The following RB1CC1 variants were observed in gnomAD, a reference collection of about 807,000 sequenced individuals.
RB1CC1 encodes the protein RB1-inducible coiled-coil protein 1.
A neutral mutation model predicts 177.5 loss-of-function variants in RB1CC1; 46 were observed. The ratio of observed to expected loss-of-function variants is 0.26; its 90% CI spans 0.20 to 0.33. The LOEUF (loss-of-function observed/expected upper bound fraction) is 0.33, where lower values mean the gene tolerates loss of function less well. Among genes scored for constraint, RB1CC1 ranks in the 10% least tolerant of loss-of-function variants. The pLI is 1.00. For synonymous variants in RB1CC1, 666 were observed against 613.6 expected (o/e 1.09, Z -1.26); for missense variants, 1,703 against 1,816.3 (o/e 0.94, Z 1.13).
chr8:52,706,388 T>C (rs1856551274), intron 1 of RB1CC1, among the ~76,000 whole-genome samples: 1 of 150,152 alleles, frequency 6.7e-6, no homozygotes, highest in Non-Finnish European at 1.5e-5. Flanking sequence ...AGATGGACTT[T>C]CACTCAGTCA....
At chr8:52,671,653 A>C (rs990424166) in intron 7 of RB1CC1, among the ~76,000 whole-genome samples, 9 of 152,204 alleles carry the variant, frequency 5.9e-5, no homozygotes, top group African/African-American at 1.7e-4. Flanking sequence ...AATATAAATA[A>C]ATTTTTCCAA....
chr8:52,653,739 CATT>C (rs1182723091), intron 15 of RB1CC1, among the ~76,000 whole-genome samples: 1 of 152,092 alleles, frequency 6.6e-6, no homozygotes, highest in African/African-American at 2.4e-5. Context: ...GGAATATTTG[CATT>C]ATATTTACCA....
chr8:52,712,287 T>C (rs1038795192), intron 1 of RB1CC1, among the ~76,000 whole-genome samples: 6 of 152,194 alleles, frequency 3.9e-5, no homozygotes, highest in Non-Finnish European at 8.8e-5. Flanking sequence ...ATCTGCAAAG[T>C]AAAGCATGTA....
At chr8:52,648,522 A>T (rs1180521191) in intron 15 of RB1CC1, among the ~76,000 whole-genome samples, 1 of 151,904 alleles carries the variant, frequency 6.6e-6, no homozygotes, top group Non-Finnish European at 1.5e-5. Flanking sequence ...TGTAGAGGGG[A>T]GGGAGGTCAT....
chr8:52,680,202 T>A (rs980331506), intron 5 of RB1CC1, among the ~76,000 whole-genome samples: 2 of 152,142 alleles, frequency 1.3e-5, no homozygotes, highest in Non-Finnish European at 2.9e-5. Flanking sequence ...CAAGAGCAAA[T>A]GGAAATTATA....
At chr8:52,713,488 G>A (rs944041662) in intron 1 of RB1CC1, among the ~76,000 whole-genome samples, 2 of 152,208 alleles carry the variant, frequency 1.3e-5, no homozygotes, top group African/African-American at 4.8e-5. Flanking sequence ...GGCGGGCGCA[G>A]GCTGAGTCAT....
At chr8:52,629,900 G>A (rs1848641553) in intron 21 of RB1CC1, among the ~76,000 whole-genome samples, 1 of 152,078 alleles carries the variant, frequency 6.6e-6, no homozygotes, top group Non-Finnish European at 1.5e-5. Flanking sequence ...TCCCTAAAAT[G>A]TATGAAACCA....
chr8:52,636,179 C>A, intron 18 of RB1CC1, 110 bp from the exon 19 acceptor site: 1 of 1,222,562 alleles, frequency 8.2e-7, no homozygotes, highest in Non-Finnish European at 1.1e-6. Flanking sequence ...TAAGGGTTTT[C>A]ATAAATTTTC....
intron 23 of RB1CC1, 94 bp downstream of exon 23, chr8:52,624,623 G>A (rs1168910244): frequency 9.8e-7 from 1 of 1,018,640 alleles, no homozygotes; most frequent in African/African-American, 1.7e-5. Context: ...GAGCATAAAG[G>A]CCAAGAACAG....
intron 15 of RB1CC1, among the ~76,000 whole-genome samples, chr8:52,651,544 G>A (rs1196510622): frequency 6.6e-6 from 1 of 152,170 alleles, no homozygotes; most frequent in Admixed American, 6.5e-5. Flanking sequence ...CACATTCAGA[G>A]GACAAGTGAA....
intron 22 of RB1CC1, among the ~76,000 whole-genome samples, chr8:52,624,988 C>T (rs1053538663): frequency 3.3e-5 from 5 of 152,134 alleles, no homozygotes; most frequent in African/African-American, 1.2e-4. Context: ...GTAATGTGTG[C>T]GTAGCTCTTG....
chr8:52,705,515 C>T (rs1856465234), intron 1 of RB1CC1, among the ~76,000 whole-genome samples: 1 of 152,120 alleles, frequency 6.6e-6, no homozygotes, highest in Admixed American at 6.5e-5. Context: ...ACTGGTATAA[C>T]TTTTAAGGGA....
chr8:52,687,947 C>T (rs940943361), intron 1 of RB1CC1, among the ~76,000 whole-genome samples: 1 of 152,156 alleles, frequency 6.6e-6, no homozygotes, highest in Non-Finnish European at 1.5e-5. Flanking sequence ...AACAGAGCGA[C>T]CAGCTGGAGC....
intron 1 of RB1CC1, among the ~76,000 whole-genome samples, chr8:52,697,448 T>C (rs1855532538): frequency 6.6e-6 from 1 of 152,184 alleles, no homozygotes; most frequent in African/African-American, 2.4e-5. Context: ...CAAATCTAAA[T>C]ACGGACAGGG....
At chr8:52,710,337 A>C (rs1418102257) in intron 1 of RB1CC1, among the ~76,000 whole-genome samples, 1 of 152,232 alleles carries the variant, frequency 6.6e-6, no homozygotes, top group Non-Finnish European at 1.5e-5. Context: ...CAAAAGAATG[A>C]AGCGAGCATT....
chr8:52,634,992 G>A (rs1233864808), intron 19 of RB1CC1, 24 bp from the exon 20 acceptor site: 4 of 1,593,248 alleles, frequency 2.5e-6, no homozygotes, highest in Non-Finnish European at 2.6e-6. Flanking sequence ...AAAGAGACCT[G>A]TGGTTTATCC....
chr8:52,713,350 G>A (rs1022570989), intron 1 of RB1CC1, among the ~76,000 whole-genome samples: 4 of 152,168 alleles, frequency 2.6e-5, no homozygotes, highest in African/African-American at 9.7e-5. Context: ...ACATCCACCA[G>A]GCGGTGGAAG....
chr8:52,657,748 C>G lies in RB1CC1; in HGVS notation c.2081G>C (p.Ser694Thr). The change falls in exon 15 of 24, where the codon AGT (serine) becomes ACT (threonine). Residue 694 changes from serine to threonine, a missense_variant. Physicochemically the swap from Ser to Thr is moderately conservative, Grantham distance 58. This residue lies in a region of RB1CC1 where 1,169 missense variants were observed against 1,184.7 expected (regional missense o/e 0.99). Transcript: ENST00000025008. ...VCPLEELSPDSIDAHTFDFET... is the reference protein window; with the variant it reads ...VCPLEELSPDTIDAHTFDFET... ...AAAATCAAACGTATGTGCATCAATACTATCTGGAGATAATTCTTCTAAGGG... is the reference window on the plus strand; with the variant it reads ...AAAATCAAACGTATGTGCATCAATAGTATCTGGAGATAATTCTTCTAAGGG... 2 of 1,613,896 alleles carry G rather than the reference C, an allele frequency of 1.2e-6. No individual in the cohort carries two copies. The highest frequency in any genetic ancestry group is 1.7e-6 in the Non-Finnish European group (2 of 1,179,988).
intron 23 of RB1CC1, 110 bp from the exon 24 acceptor site, chr8:52,623,969 A>G: frequency 2.8e-6 from 2 of 712,508 alleles, no homozygotes; most frequent in Non-Finnish European, 4.8e-6. Context: ...AAATAAATAA[A>G]CCACATCACA....
Sources: gnomAD v4.1 joint callset for allele counts (sites outside exome capture counted in the v4.1 genomes callset) on GRCh38, gnomAD v4.1.1 for gene constraint, gnomAD v4.1.1 regional missense constraint, MANE v1.5 for transcripts, NCBI Gene and HGNC (gene_info 2026-07-23, HGNC 2026-07-21) for gene names.